ADD3: variants seen among roughly 807,000 people sequenced by gnomAD.
ADD3 encodes the protein gamma-adducin.
Under a neutral mutation model 80.2 loss-of-function variants are expected in ADD3, and 25 were observed. The ratio of observed to expected loss-of-function variants is 0.31; its 90% CI spans 0.23 to 0.44. The LOEUF is 0.44. Ranked by LOEUF, ADD3 falls within the 20% of genes least tolerant of loss-of-function variation. The probability of loss-of-function intolerance (pLI) is 1.00; values close to 1 mark genes in which losing one functional copy is unlikely to be tolerated. For missense variants in ADD3, 829 were observed against 847.5 expected (o/e 0.98, Z 0.27); for synonymous variants, 284 against 289.6 (o/e 0.98, Z 0.20).
chr10:110,068,667 G>A (rs114367542), intron 1 of ADD3, among the ~76,000 whole-genome samples: 5 of 152,298 alleles, frequency 3.3e-5, no homozygotes, highest in African/African-American at 7.2e-5. Context: ...TGAAGTGAAC[G>A]TTTTGAAAGG....
intron 1 of ADD3, among the ~76,000 whole-genome samples, chr10:110,030,051 C>T (rs1403048264): frequency 2.6e-5 from 4 of 152,160 alleles, no homozygotes; most frequent in Middle Eastern, 3.4e-3. Flanking sequence ...TGGCTGGGCA[C>T]GGTGGCTCAC....
intron 2 of ADD3, 101 bp downstream of exon 2, chr10:110,100,949 G>A: frequency 1.8e-6 from 2 of 1,102,924 alleles, no homozygotes; most frequent in Non-Finnish European, 2.5e-6. Context: ...AAAGAGGGGT[G>A]GAGGAGGAGT....
intron 1 of ADD3, among the ~76,000 whole-genome samples, chr10:110,061,365 T>A (rs1418547283): frequency 6.6e-6 from 1 of 152,056 alleles, no homozygotes; most frequent in African/African-American, 2.4e-5. Context: ...TTTTTTTGGG[T>A]GGAGTGGTGG....
rs1852231037 is a variant in ADD3 at position 110,010,619 on chromosome 10, A to G, written c.-30+2320A>G. 3.9e-5 allele frequency among the ~76,000 whole-genome samples: 6 copies of G among 152,338 alleles called. No homozygotes were observed. In the South Asian group the frequency reaches 1.2e-3, roughly 32 times the overall value. ...TGAAGACTCAGCAAATATTTGTAAT[A>G]GCCAATATTTATTTGCCTAACCTCT... On this transcript the variant is annotated intron_variant, in intron 1 of 14. Transcript: ENST00000356080.
At chr10:110,013,351 G>T (rs183140594) in intron 1 of ADD3, among the ~76,000 whole-genome samples, 2 of 152,134 alleles carry the variant, frequency 1.3e-5, no homozygotes, top group African/African-American at 4.8e-5. Context: ...GTTCCTCCCC[G>T]CTCGGCTACC....
intron 13 of ADD3, 56 bp downstream of exon 13, chr10:110,130,542 C>A: frequency 1.0e-5 from 16 of 1,576,160 alleles, no homozygotes; most frequent in Non-Finnish European, 1.3e-5. Flanking sequence ...CAATAAAGTA[C>A]CTCACGTTGG....
chr10:110,132,400 G>A lies in ADD3; in HGVS notation c.1828G>A (p.Glu610Lys). The A allele has an allele frequency of 6.3e-7, 1 of 1,599,532 alleles. No individual in the cohort carries two copies. Among genetic ancestry groups the A allele is most frequent in the Non-Finnish European group, 8.6e-7 (1 of 1,167,132 alleles). ...GCAAAATGTCCCTGAAAAATTAGAA[G>A]GTACTCAATGTAATTTCCCACATAG... is the stretch of plus-strand genomic sequence containing the variant. ...SPQNVPEKLE[E>K]NHELFSKSFI... Residue 610 changes from glutamate to lysine, a missense_variant and splice_region_variant, in exon 14 of 15, where the codon GAA becomes AAA. Coordinates refer to ENST00000356080, the MANE Select transcript of ADD3 (RefSeq NM_016824.5).
intron 3 of ADD3, among the ~76,000 whole-genome samples, chr10:110,115,611 A>C (rs1477119003): frequency 1.3e-5 from 2 of 152,214 alleles, no homozygotes; most frequent in African/African-American, 4.8e-5. Context: ...TTAAAGGAGA[A>C]AAGCATGTAG....
intron 1 of ADD3, among the ~76,000 whole-genome samples, chr10:110,091,190 TC>T (rs1459166299): frequency 6.6e-6 from 1 of 152,168 alleles, no homozygotes; most frequent in South Asian, 2.1e-4. Flanking sequence ...AATATTTTCA[TC>T]CCCCCTCCCC....
chr10:110,131,857 G>A (rs1255373307), intron 13 of ADD3, among the ~76,000 whole-genome samples: 1 of 152,084 alleles, frequency 6.6e-6, no homozygotes, highest in Non-Finnish European at 1.5e-5. Flanking sequence ...CATTTATTAT[G>A]ACCTTATGAA....
chr10:110,009,274 C>T (rs1257755477), intron 1 of ADD3, among the ~76,000 whole-genome samples: 2 of 152,152 alleles, frequency 1.3e-5, no homozygotes, highest in African/African-American at 2.4e-5. Flanking sequence ...GGACTAGCTA[C>T]ATACACGTGC....
chr10:110,059,415 T>C (rs936197607), intron 1 of ADD3, among the ~76,000 whole-genome samples: 1 of 151,830 alleles, frequency 6.6e-6, no homozygotes, highest in African/African-American at 2.4e-5. Flanking sequence ...GAGGTTGCAG[T>C]GAGCTGAGTG....
chr10:110,070,102 T>C (rs772642590), intron 1 of ADD3, among the ~76,000 whole-genome samples: 1 of 152,326 alleles, frequency 6.6e-6, no homozygotes, highest in South Asian at 2.1e-4. Flanking sequence ...CCCATACATA[T>C]ATACTCATTC....
chr10:110,132,009 T>G (rs181630544), intron 13 of ADD3, among the ~76,000 whole-genome samples: 131 of 152,344 alleles, frequency 8.6e-4, no homozygotes, highest in African/African-American at 3.0e-3. Context: ...TGTTTTGGTT[T>G]TCTAATGCTA....
chr10:110,063,741 A>ATATATATATATATAT (rs1843516693), intron 1 of ADD3, among the ~76,000 whole-genome samples: 1 of 22,248 alleles, frequency 4.5e-5, no homozygotes. Flanking sequence ...TATTCATTAT[A>ATATATATATATATAT]TATATATATA....
At chr10:110,035,822 C>A (rs1345933805) in intron 1 of ADD3, among the ~76,000 whole-genome samples, 1 of 152,072 alleles carries the variant, frequency 6.6e-6, no homozygotes, top group Non-Finnish European at 1.5e-5. Context: ...TGAATTTTCT[C>A]TTTTCCTGTC....
At chr10:110,064,768 T>TTA (rs1474872817) in intron 1 of ADD3, among the ~76,000 whole-genome samples, 1 of 152,240 alleles carries the variant, frequency 6.6e-6, no homozygotes, top group African/African-American at 2.4e-5. Context: ...TTATATGCTA[T>TTA]TATTAACCAG....
intron 1 of ADD3, among the ~76,000 whole-genome samples, chr10:110,021,740 T>C (rs185634392): frequency 6.6e-6 from 1 of 152,240 alleles, no homozygotes; most frequent in Admixed American, 6.5e-5. Context: ...TAATGGGTAC[T>C]GGGTTTCCTT....
intron 1 of ADD3, among the ~76,000 whole-genome samples, chr10:110,093,997 C>A (rs1445966129): frequency 1.3e-5 from 2 of 152,130 alleles, no homozygotes; most frequent in African/African-American, 4.8e-5. Flanking sequence ...TTAGTGAGTA[C>A]TTTTTAATAT....
Sources: allele counts gnomAD v4.1 joint callset (sites outside exome capture counted in the v4.1 genomes callset), GRCh38; gene constraint gnomAD v4.1.1; transcripts MANE v1.5; gene names NCBI Gene and HGNC (gene_info 2026-07-23, HGNC 2026-07-21).